Variants in GLB1L3 observed in about 807,000 individuals in gnomAD.
The protein encoded by GLB1L3 is beta-galactosidase-1-like protein 3.
In GLB1L3, 89 loss-of-function variants were observed where a neutral mutation model predicts 89.5. That is an observed-to-expected ratio of 0.99 (90% CI 0.84 to 1.19). The LOEUF (loss-of-function observed/expected upper bound fraction) is 1.19, where lower values mean the gene tolerates loss of function less well. Among genes scored for constraint, GLB1L3 ranks in the 50% most tolerant of loss-of-function variants. GLB1L3 has a pLI of 0.00. For missense variants in GLB1L3, 812 were observed against 813.3 expected, an observed-to-expected ratio of 1.00 and a Z score of 0.02; for synonymous variants, 314 against 312.3, an observed-to-expected ratio of 1.01 and a Z score of -0.06.
chr11:134,313,963 C>T lies in GLB1L3; in HGVS notation c.1602C>T (p.Ile534=). The T allele has an allele frequency of 1.2e-6, 2 of 1,611,946 alleles. No homozygotes were observed. Among genetic ancestry groups the T allele is most frequent in the Non-Finnish European group, 1.7e-6 (2 of 1,178,332 alleles). The change falls in exon 17 of 20, where the codon ATC becomes ATT. Residue 534 remains isoleucine (I), a synonymous_variant. Transcript: ENST00000431683. The stretch of plus-strand genomic sequence containing the variant: ...CAGGAATAACTGGATCTGTCAGCAT[C>T]AATAACTCTTCCCTGGAGGGCTTTA... ...EQKGITGSVS[I]NNSSLEGFTI...
At chr11:134,291,561 C>G (rs1941361161) in intron 7 of GLB1L3, among the ~76,000 whole-genome samples, 1 of 152,154 alleles carries the variant, frequency 6.6e-6, no homozygotes. Context: ...TAACTTACCT[C>G]TAGATTACTT....
Position 134,296,862 on chromosome 11 carries a change from T to TAAA in GLB1L3, c.876+3656_876+3658dup, listed in dbSNP as rs891355190. Among the ~76,000 whole-genome samples, 1,231 of 131,770 alleles carry TAAA rather than the reference T, an allele frequency of 9.3e-3. 21 individuals are homozygous for TAAA. The highest frequency in any genetic ancestry group is 0.032 in the African/African-American group (1,174 of 37,068). 86.4% of individuals were successfully genotyped at this position (131,770 alleles called of 152,430 possible). A position where few individuals can be genotyped will look rare whatever the true frequency, so the allele number is the denominator to read the frequency against. On this transcript the variant is annotated intron_variant, in intron 9 of 19. Coordinates refer to ENST00000431683, the MANE Select transcript of GLB1L3 (RefSeq NM_001080407.3). ...ATAATAATAATAATAATAATAATAA[T>TAAA]AAAAACAAACAAACAAAAAAAGAAA...
downstream of GLB1L3, among the ~76,000 whole-genome samples, chr11:134,322,090 A>G (rs1943175888): frequency 3.9e-5 from 6 of 152,224 alleles, no homozygotes; most frequent in Admixed American, 3.9e-4. Context: ...CACCTTTAAC[A>G]TAAAGATGCA....
At chr11:134,290,150 T>C (rs1941264429) in intron 7 of GLB1L3, among the ~76,000 whole-genome samples, 4 of 152,240 alleles carry the variant, frequency 2.6e-5, no homozygotes, top group Non-Finnish European at 5.9e-5. Context: ...GACGCGTGGC[T>C]GCCCTGCATC....
rs1942810044 is a variant in GLB1L3, at chr11:134,312,856, A to T, written c.1469A>T (p.Asn490Ile). The change falls in exon 15 of 20, where the codon AAT becomes ATT. Residue 490 changes from asparagine to isoleucine, a missense_variant. By Grantham distance (149) the Asn-to-Ile change is moderately radical. Coordinates refer to ENST00000431683, the MANE Select transcript of GLB1L3 (RefSeq NM_001080407.3). ...ACAATGATAGGGATTCTGAATGAGA[A>T]TAATAAGGACCTGCACATTCCTGAA... ...DETMIGILNENNKDLHIPELR... is the reference protein window; with the variant it reads ...DETMIGILNEINKDLHIPELR... 8 of 1,611,914 alleles carry T rather than the reference A, an allele frequency of 5.0e-6. No individual in the cohort carries two copies. Among genetic ancestry groups the T allele is most frequent in the Non-Finnish European group, 6.8e-6 (8 of 1,178,826 alleles).
Position 134,277,851 on chromosome 11 carries a change from A to G in GLB1L3, c.301A>G (p.Arg101Gly). 6.2e-7 allele frequency: 1 copy of G among 1,614,104 alleles called. No homozygotes were observed. The highest frequency in any genetic ancestry group is 1.6e-4 in the Middle Eastern group (1 of 6,062). The change falls in exon 3 of 20, where the codon AGG becomes GGG. Residue 101 changes from arginine (R) to glycine (G), a missense_variant. Coordinates refer to ENST00000431683, the MANE Select transcript of GLB1L3 (RefSeq NM_001080407.3). The part of the protein sequence containing the change: ...GGSIHYFRVP[R>G]EYWRDRLLKL... Reference sequence around the variant, plus strand: ...CTCCATCCACTATTTCCGGGTGCCCAGGGAGTACTGGAGGGACCGCCTGCT... The same window carrying G: ...CTCCATCCACTATTTCCGGGTGCCCGGGGAGTACTGGAGGGACCGCCTGCT...
intron 10 of GLB1L3, among the ~76,000 whole-genome samples, chr11:134,308,157 A>ACACCACCAC (rs1211294905): frequency 1.3e-5 from 1 of 79,988 alleles, no homozygotes; most frequent in Non-Finnish European, 2.6e-5. Flanking sequence ...ATCATCACCA[A>ACACCACCAC]CACCACCACC....
At chr11:134,289,224 C>A (rs1364490326) in intron 7 of GLB1L3, among the ~76,000 whole-genome samples, 1 of 152,024 alleles carries the variant, frequency 6.6e-6, no homozygotes. Context: ...CTAAGAAAAT[C>A]ATAAGGAACA....
At chr11:134,309,875 C>A in intron 11 of GLB1L3, 112 bp downstream of exon 11, 3 of 1,171,280 alleles carry the variant, frequency 2.6e-6, no homozygotes, top group African/African-American at 1.5e-5. Flanking sequence ...ATAATCTATG[C>A]TGAGTACTGA....
intron 8 of GLB1L3, 66 bp from the exon 9 acceptor site, chr11:134,293,079 C>A: frequency 7.4e-7 from 1 of 1,344,752 alleles, no homozygotes; most frequent in African/African-American, 1.4e-5. Flanking sequence ...GCCGGGGGCG[C>A]ATTCCTTCCC....
chr11:134,311,428 CT>C, intron 13 of GLB1L3: 1 of 459,756 alleles, frequency 2.2e-6, no homozygotes. Flanking sequence ...TCTGGAGATG[CT>C]CTTGTTTGGA....
intron 1 of GLB1L3, chr11:134,277,084 G>C (rs923904178): frequency 6.6e-6 from 4 of 606,958 alleles, no homozygotes; most frequent in African/African-American, 1.9e-5. Flanking sequence ...CACCGGCACT[G>C]CCCAGCCCTG....
chr11:134,310,076 C>T, intron 11 of GLB1L3: 1 of 433,604 alleles, frequency 2.3e-6, no homozygotes, highest in Non-Finnish European at 4.2e-6. Flanking sequence ...ACCTGCACGG[C>T]CGGGCGATAC....
chr11:134,308,214 C>CCACCAT, intron 10 of GLB1L3, among the ~76,000 whole-genome samples: 1 of 28,580 alleles, frequency 3.5e-5, no homozygotes, highest in Non-Finnish European at 7.5e-5. Context: ...ACCACCACCA[C>CCACCAT]CATCACCATC....
chr11:134,299,782 T>G (rs1465189782), intron 9 of GLB1L3, among the ~76,000 whole-genome samples: 1 of 152,154 alleles, frequency 6.6e-6, no homozygotes, highest in Non-Finnish European at 1.5e-5. Context: ...TGTCTGTGGG[T>G]CTGAGGGGTG....
chr11:134,319,996 G>A (rs999613995), downstream of GLB1L3, among the ~76,000 whole-genome samples: 1 of 152,034 alleles, frequency 6.6e-6, no homozygotes, highest in Non-Finnish European at 1.5e-5. Context: ...CTGATAGTGG[G>A]TAGGCATTAG....
chr11:134,314,032 T>C lies in GLB1L3; in HGVS notation c.1667+4T>C, dbSNP rs767391705. 1 of 1,593,516 alleles carries C rather than the reference T, an allele frequency of 6.3e-7. No homozygotes were observed. The highest frequency in any genetic ancestry group is 1.3e-5 in the African/African-American group (1 of 74,652). On this transcript the variant is annotated splice_donor_region_variant and intron_variant, in intron 17 of 19. Transcript: ENST00000431683. The stretch of plus-strand genomic sequence containing the variant: ...TGAAAATGAGCTTCTTTGAGAGGTA[T>C]GCTCCAGCTGGCCCCCAGTGCACAC...
intron 9 of GLB1L3, among the ~76,000 whole-genome samples, chr11:134,303,584 C>T (rs1464671957): frequency 6.6e-6 from 1 of 152,204 alleles, no homozygotes; most frequent in African/African-American, 2.4e-5. Context: ...CTGCTCTCCG[C>T]CTGGATTGTA....
chr11:134,303,909 T>A (rs1407921739), intron 9 of GLB1L3, among the ~76,000 whole-genome samples: 1 of 152,144 alleles, frequency 6.6e-6, no homozygotes, highest in African/African-American at 2.4e-5. Flanking sequence ...CAGTTTTCTT[T>A]CAGCACACAG....
Sources: allele counts gnomAD v4.1 joint callset (sites outside exome capture counted in the v4.1 genomes callset), GRCh38; gene constraint gnomAD v4.1.1; transcripts MANE v1.5; gene names NCBI Gene and HGNC (gene_info 2026-07-23, HGNC 2026-07-21).